SLC9A9: variants seen among roughly 807,000 people sequenced by gnomAD.
SLC9A9 encodes sodium/hydrogen exchanger 9.
Under a neutral mutation model 77.8 loss-of-function variants are expected in SLC9A9, and 62 were observed. The ratio of observed to expected loss-of-function variants is 0.80; its 90% CI spans 0.65 to 0.98. SLC9A9 has a LOEUF of 0.98. Among genes scored for constraint, SLC9A9 ranks in the 50% least tolerant of loss-of-function variants. SLC9A9 has a pLI of 0.00. For synonymous variants in SLC9A9, 320 were observed against 283.5 expected, an observed-to-expected ratio of 1.13 and a Z score of -1.29; for missense variants, 775 against 774.9, an observed-to-expected ratio of 1.00 and a Z score of 0.00.
At chr3:143,445,124 G>C (rs1302925658) in intron 12 of SLC9A9, among the ~76,000 whole-genome samples, 2 of 152,034 alleles carry the variant, frequency 1.3e-5, no homozygotes, top group African/African-American at 4.8e-5. Context: ...CAATCAATAG[G>C]AAACACACTC....
At chr3:143,287,380 G>C (rs891643045) in intron 14 of SLC9A9, among the ~76,000 whole-genome samples, 1 of 152,026 alleles carries the variant, frequency 6.6e-6, no homozygotes, top group African/African-American at 2.4e-5. Context: ...ATCAAAAAGT[G>C]CTATGGACAA....
chr3:143,297,945 G>A (rs898046483), intron 14 of SLC9A9, among the ~76,000 whole-genome samples: 2 of 152,164 alleles, frequency 1.3e-5, no homozygotes, highest in African/African-American at 2.4e-5. Context: ...AATGGTAACC[G>A]TTGGGTTGGA....
chr3:143,748,110 T>C (rs1022213224), intron 4 of SLC9A9, among the ~76,000 whole-genome samples: 2 of 152,206 alleles, frequency 1.3e-5, no homozygotes, highest in Non-Finnish European at 2.9e-5. Context: ...TTTCAAGAAT[T>C]CCAAATTGAA....
chr3:143,450,681 A>G (rs1045185824), intron 12 of SLC9A9, among the ~76,000 whole-genome samples: 16 of 152,346 alleles, frequency 1.1e-4, no homozygotes, highest in African/African-American at 3.8e-4. Context: ...CTGAAATGAC[A>G]AAAGTGCTAT....
At chr3:143,606,383 A>T (rs2037921988) in intron 6 of SLC9A9, among the ~76,000 whole-genome samples, 1 of 145,164 alleles carries the variant, frequency 6.9e-6, no homozygotes, top group African/African-American at 2.5e-5. Context: ...TTCACTTCAG[A>T]CTGGGCGAAA....
intron 11 of SLC9A9, among the ~76,000 whole-genome samples, chr3:143,488,002 T>G (rs1192160356): frequency 1.3e-5 from 2 of 151,612 alleles, no homozygotes; most frequent in Non-Finnish European, 3.0e-5. Context: ...CTAGATGGAC[T>G]AAGAAAAAAG....
chr3:143,819,158 A>T (rs2009105407), intron 2 of SLC9A9, among the ~76,000 whole-genome samples: 1 of 152,236 alleles, frequency 6.6e-6, no homozygotes, highest in South Asian at 2.1e-4. Flanking sequence ...ACAGAGAAAC[A>T]GTGAAGGGAG....
At chr3:143,585,731 G>A (rs999965989) in intron 6 of SLC9A9, among the ~76,000 whole-genome samples, 4 of 152,074 alleles carry the variant, frequency 2.6e-5, no homozygotes, top group African/African-American at 9.6e-5. Context: ...TGGGCTGGGT[G>A]GGCTTACCCC....
intron 14 of SLC9A9, among the ~76,000 whole-genome samples, chr3:143,348,801 G>A (rs528673320): frequency 4.6e-5 from 7 of 152,328 alleles, no homozygotes; most frequent in South Asian, 2.1e-4. Flanking sequence ...ATGAAATTGT[G>A]TCTAGAACGC....
chr3:143,841,946 A>C (rs2009717351), intron 1 of SLC9A9, among the ~76,000 whole-genome samples: 1 of 152,020 alleles, frequency 6.6e-6, no homozygotes. Flanking sequence ...GTAAAGACAG[A>C]GTTTCATCAT....
At chr3:143,702,694 T>C (rs1446560352) in intron 4 of SLC9A9, among the ~76,000 whole-genome samples, 4 of 151,302 alleles carry the variant, frequency 2.6e-5, no homozygotes, top group African/African-American at 4.9e-5. Flanking sequence ...AATAACAAAA[T>C]GGCAGAAGTC....
intron 4 of SLC9A9, among the ~76,000 whole-genome samples, chr3:143,742,499 G>A (rs1576695557): frequency 6.6e-6 from 1 of 152,270 alleles, no homozygotes; most frequent in African/African-American, 2.4e-5. Context: ...AATATCATAT[G>A]TATTTCAGTA....
At position 143,574,097 on chromosome 3, in the gene SLC9A9, C is replaced by A; in HGVS notation, c.991G>T (p.Gly331Cys). Residue 331 changes from glycine (G) to cysteine (C), a missense_variant, in exon 8 of 16, where the codon GGC becomes TGC. Physicochemically the swap from Gly to Cys is radical, Grantham distance 159 (BLOSUM62 -3). Coordinates refer to ENST00000316549, the MANE Select transcript of SLC9A9 (RefSeq NM_173653.4). ...WSAFLSAEAA[G>C]LTGIVAVLFC... ...AGCATGAAGCACTGACCTGTTAGGC[C>A]GGCAGCCTCGGCAGACAGGAAGGCA... 6.2e-7 allele frequency: 1 copy of A among 1,612,918 alleles called. No homozygotes were observed. Among genetic ancestry groups the A allele is most frequent in the Non-Finnish European group, 8.5e-7 (1 of 1,179,294 alleles).
intron 14 of SLC9A9, chr3:143,343,433 A>G (rs2032169181): frequency 6.6e-6 from 1 of 152,214 alleles, no homozygotes; most frequent in Non-Finnish European, 1.5e-5. Context: ...GAAAAAAAGT[A>G]ACTTTCAACA....
intron 9 of SLC9A9, among the ~76,000 whole-genome samples, chr3:143,511,445 C>A (rs2036114449): frequency 6.6e-6 from 1 of 152,182 alleles, no homozygotes; most frequent in East Asian, 1.9e-4. Flanking sequence ...TATTTGCTAT[C>A]TCGTCAGCAC....
chr3:143,780,311 G>A (rs577131816), intron 4 of SLC9A9, among the ~76,000 whole-genome samples: 14 of 152,142 alleles, frequency 9.2e-5, no homozygotes, highest in Admixed American at 2.0e-4. Flanking sequence ...AGGTGATGAC[G>A]TGGTGGTTAG....
At chr3:143,379,854 C>T (rs189667700) in intron 13 of SLC9A9, among the ~76,000 whole-genome samples, 2 of 151,784 alleles carry the variant, frequency 1.3e-5, no homozygotes, top group African/African-American at 4.8e-5. Context: ...TTCTTTATAC[C>T]CCTCTGGTTT....
intron 12 of SLC9A9, among the ~76,000 whole-genome samples, chr3:143,393,693 T>C (rs1434310776): frequency 6.6e-6 from 1 of 151,932 alleles, no homozygotes; most frequent in Non-Finnish European, 1.5e-5. Context: ...ACAAAATTGA[T>C]AGACCGCTAG....
rs114422645 is a variant in SLC9A9 at position 143,592,438 on chromosome 3, C to T, written c.756-13715G>A. Reference sequence around the variant, plus strand: ...CCTTGATAATGGAAGAAAACCTGTGCCCTGGACCATGACTTTTGCACTCTT... The same window carrying T: ...CCTTGATAATGGAAGAAAACCTGTGTCCTGGACCATGACTTTTGCACTCTT... On this transcript the variant is annotated intron_variant, in intron 6 of 15. Transcript: ENST00000316549. Among the ~76,000 whole-genome samples the T allele has an allele frequency of 7.2e-3, 1,045 of 145,242 alleles. 14 individuals carry two copies. The highest frequency in any genetic ancestry group is 0.024 in the African/African-American group (949 of 38,802).
Sources: allele counts gnomAD v4.1 joint callset (sites outside exome capture counted in the v4.1 genomes callset), GRCh38; gene constraint gnomAD v4.1.1; transcripts MANE v1.5; gene names NCBI Gene and HGNC (gene_info 2026-07-23, HGNC 2026-07-21).